HERC1: variants seen among roughly 807,000 people sequenced by gnomAD.
HERC1 encodes HECT and RLD domain containing E3 ubiquitin protein ligase family member 1.
A neutral mutation model predicts 554.3 loss-of-function variants in HERC1; 160 were observed. The ratio of observed to expected loss-of-function variants is 0.29; its 90% CI spans 0.25 to 0.33. HERC1 has a LOEUF of 0.33. Among genes scored for constraint, HERC1 ranks in the 10% least tolerant of loss-of-function variants. The pLI, the probability that HERC1 is intolerant of heterozygous loss-of-function variation, is 1.00. For missense variants in HERC1, 4,919 were observed against 5,918.5 expected, an observed-to-expected ratio of 0.83 and a Z score of 5.54; for synonymous variants, 2,175 against 2,131.7, an observed-to-expected ratio of 1.02 and a Z score of -0.56.
At chr15:63,631,936 GT>G (rs372353470) in intron 68 of HERC1, among the ~76,000 whole-genome samples, 2 of 152,224 alleles carry the variant, frequency 1.3e-5, no homozygotes, top group East Asian at 3.9e-4. Context: ...CTCTCTCTGG[GT>G]TTTTTAGATG....
chr15:63,644,282 T>C (rs1345000644), intron 57 of HERC1, among the ~76,000 whole-genome samples: 1 of 152,250 alleles, frequency 6.6e-6, no homozygotes, highest in Non-Finnish European at 1.5e-5. Context: ...GGCAACAGAA[T>C]GTACAAACTG....
intron 74 of HERC1, among the ~76,000 whole-genome samples, chr15:63,616,945 A>G (rs1460958669): frequency 6.6e-6 from 1 of 152,224 alleles, no homozygotes; most frequent in Non-Finnish European, 1.5e-5. Flanking sequence ...TATTTTTAGA[A>G]GAACTATGTA....
intron 14 of HERC1, among the ~76,000 whole-genome samples, chr15:63,729,982 C>T (rs1011704751): frequency 6.3e-5 from 9 of 142,120 alleles, no homozygotes; most frequent in African/African-American, 1.9e-4. Flanking sequence ...GCCAAGATCA[C>T]GCCATTGCAC....
chr15:63,672,758 A>T lies in HERC1; in HGVS notation c.7847-64T>A. ...TTGTTTTTTCAAAAATAACAGCGGGAATAAAAAACTTCTACCTGTTTAATT... is the reference window on the plus strand; with the variant it reads ...TTGTTTTTTCAAAAATAACAGCGGGTATAAAAAACTTCTACCTGTTTAATT... On this transcript the variant is annotated intron_variant, in intron 38 of 77. Transcript: ENST00000443617. 4.6e-6 allele frequency: 5 copies of T among 1,076,930 alleles called. No homozygotes were observed. In the South Asian group the frequency reaches 8.3e-5, roughly 18 times the overall value. The allele number at this position is 1,076,930 out of a possible 1,614,324, so 66.7% of individuals were successfully genotyped here. A position where few individuals can be genotyped will look rare whatever the true frequency, so the allele number is the denominator to read the frequency against.
rs758755867 is a variant in HERC1, at chr15:63,716,371, G to A, written c.4081C>T (p.Arg1361Trp). 5 of 1,613,498 alleles carry A rather than the reference G, an allele frequency of 3.1e-6. No homozygotes were observed. Among genetic ancestry groups the A allele is most frequent in the Non-Finnish European group, 3.4e-6 (4 of 1,179,752 alleles). Residue 1361 changes from arginine to tryptophan, a missense_variant, in exon 22 of 78, where the codon CGG becomes TGG. Coordinates refer to ENST00000443617, the MANE Select transcript of HERC1 (RefSeq NM_003922.4). ...TCTGGCTCCGGATGCCCCTCTTCCC[G>A]GTCTCTCTCAGCCTGTTCTTCCATT... ...AEMEEQAERD[R>W]EEGHPEPEDE...
At chr15:63,798,498 C>CT (rs903071420) in intron 1 of HERC1, among the ~76,000 whole-genome samples, 1 of 150,518 alleles carries the variant, frequency 6.6e-6, no homozygotes, top group African/African-American at 2.5e-5. Context: ...CTTCTATCCT[C>CT]TTCTCCTTCA....
At chr15:63,624,537 A>C (rs2068218224) in intron 71 of HERC1, among the ~76,000 whole-genome samples, 1 of 152,058 alleles carries the variant, frequency 6.6e-6, no homozygotes, top group Non-Finnish European at 1.5e-5. Flanking sequence ...CTCTACAAAA[A>C]CACAAAAATT....
At chr15:63,833,793 G>GCACACACACACACACACACACACACA (rs1567176634) in intron 1 of HERC1, 34 bp downstream of exon 1, 4 of 146,238 alleles carry the variant, frequency 2.7e-5, no homozygotes, top group African/African-American at 1.0e-4. Flanking sequence ...ACACACACAG[G>GCACACACACACACACACACACACACA]ACCAGGAGGA....
At chr15:63,771,294 T>C (rs1357341933) in intron 2 of HERC1, among the ~76,000 whole-genome samples, 1 of 152,170 alleles carries the variant, frequency 6.6e-6, no homozygotes, top group African/African-American at 2.4e-5. Context: ...TTCAGTTTAA[T>C]AAGCATTCCT....
At chr15:63,714,675 A>G (rs1036186893) in intron 22 of HERC1, among the ~76,000 whole-genome samples, 1 of 149,192 alleles carries the variant, frequency 6.7e-6, no homozygotes, top group African/African-American at 2.5e-5. Flanking sequence ...CAGCCTCCTG[A>G]GTAGCTGGTA....
At chr15:63,801,927 C>A (rs779821144) in intron 1 of HERC1, among the ~76,000 whole-genome samples, 1 of 152,208 alleles carries the variant, frequency 6.6e-6, no homozygotes, top group African/African-American at 2.4e-5. Flanking sequence ...CCACTGCCAG[C>A]ATGATATACC....
At chr15:63,783,993 G>A (rs1181265430) in intron 1 of HERC1, among the ~76,000 whole-genome samples, 1 of 151,526 alleles carries the variant, frequency 6.6e-6, no homozygotes, top group African/African-American at 2.4e-5. Context: ...TTGAACCCGG[G>A]AGGCAGAGGT....
At chr15:63,696,586 T>C (rs1253901485) in intron 26 of HERC1, among the ~76,000 whole-genome samples, 1 of 152,146 alleles carries the variant, frequency 6.6e-6, no homozygotes, top group Non-Finnish European at 1.5e-5. Context: ...GTAGGAGACA[T>C]GGTTTCAAGG....
rs2071112286 is a variant in HERC1 at position 63,674,798 on chromosome 15, C to T, written c.7390G>A (p.Ala2464Thr). 6.2e-7 allele frequency: 1 copy of T among 1,613,772 alleles called. No homozygotes were observed. The highest frequency in any genetic ancestry group is 8.5e-7 in the Non-Finnish European group (1 of 1,179,778). The change falls in exon 38 of 78, where the codon GCT becomes ACT. Residue 2464 changes from alanine (A) to threonine (T), a missense_variant. This residue lies in a region of HERC1 where 1,963 missense variants were observed against 2,228.6 expected (regional missense o/e 0.88). Transcript: ENST00000443617. ...TTSSKSENEI[A>T]SFSLDPTLPS... ...AGTGTTGGATCTAAAGAAAATGAAG[C>T]GATTTCATTTTCTGATTTGGAGCTT...
chr15:63,799,711 A>T (rs2076918873), intron 1 of HERC1, among the ~76,000 whole-genome samples: 1 of 152,176 alleles, frequency 6.6e-6, no homozygotes, highest in South Asian at 2.1e-4. Flanking sequence ...GGACAATAAA[A>T]TGCCAAAAAA....
Position 63,628,735 on chromosome 15 carries a change from C to G in HERC1, c.13047G>C (p.Ser4349=), listed in dbSNP as rs183761136. The G allele has an allele frequency of 6.2e-7, 1 of 1,613,828 alleles. No homozygotes were observed. Among genetic ancestry groups the G allele is most frequent in the African/African-American group, 1.3e-5 (1 of 74,910 alleles). The change falls in exon 70 of 78, where the codon TCG becomes TCC. Residue 4349 remains serine (S), a synonymous_variant. Transcript: ENST00000443617. The stretch of plus-strand genomic sequence containing the variant: ...ATGCAGCACTGTGGCAGCGGCCAGC[C>G]GAGATCTGCCGAACATTTTTCCCTT... ...GLQGKNVRQI[S]AGRCHSAAWT... is the part of the protein sequence containing the mutation.
At chr15:63,674,144 A>G (rs2071077682) in intron 38 of HERC1, among the ~76,000 whole-genome samples, 198 bp downstream of exon 38, 1 of 152,160 alleles carries the variant, frequency 6.6e-6, no homozygotes, top group Non-Finnish European at 1.5e-5. Context: ...TAAAATAGCA[A>G]AATTATAGAC....
chr15:63,773,328 C>T (rs980308801), intron 2 of HERC1, among the ~76,000 whole-genome samples: 2 of 151,090 alleles, frequency 1.3e-5, no homozygotes, highest in African/African-American at 2.4e-5. Flanking sequence ...CCTGTAATCC[C>T]AGCTACTCGG....
At chr15:63,660,149 T>C (rs1331864985) in intron 46 of HERC1, among the ~76,000 whole-genome samples, 5 of 151,698 alleles carry the variant, frequency 3.3e-5, no homozygotes, top group Non-Finnish European at 7.4e-5. Flanking sequence ...TGAAACCCCA[T>C]CCCCACCAAA....
Sources: allele counts gnomAD v4.1 joint callset (sites outside exome capture counted in the v4.1 genomes callset), GRCh38; gene constraint gnomAD v4.1.1; regional missense constraint gnomAD v4.1.1; transcripts MANE v1.5; gene names NCBI Gene and HGNC (gene_info 2026-07-23, HGNC 2026-07-21).